The following NRXN3 variants were observed in gnomAD, a reference collection of about 807,000 sequenced individuals.
NRXN3 encodes neurexin 3, also known as neurexin III.
NRXN3 carries 32 observed loss-of-function variants against 137.6 expected under a neutral mutation model. The ratio of observed to expected loss-of-function variants is 0.23; its 90% confidence interval spans 0.18 to 0.31. The LOEUF (loss-of-function observed/expected upper bound fraction) is 0.31. NRXN3 is among the 10% of genes least tolerant of loss of function. The pLI is 1.00. For missense variants in NRXN3, 1,574 were observed against 2,062.5 expected (o/e 0.76, Z 4.59); for synonymous variants, 798 against 784.5 (o/e 1.02, Z -0.29).
chr14:79,395,489 T>G (rs944061635), intron 15 of NRXN3, among the ~76,000 whole-genome samples: 3 of 152,024 alleles, frequency 2.0e-5, no homozygotes, highest in Non-Finnish European at 4.4e-5. Context: ...GTTGCATATG[T>G]GGAGTGTGTG....
At chr14:79,752,797 GA>G (rs1213896783) in intron 19 of NRXN3, among the ~76,000 whole-genome samples, 1 of 151,740 alleles carries the variant, frequency 6.6e-6, no homozygotes, top group Non-Finnish European at 1.5e-5. Flanking sequence ...CAAAATGGGA[GA>G]AAATTTTCAC....
intron 1 of NRXN3, among the ~76,000 whole-genome samples, chr14:78,226,946 T>G (rs904218366): frequency 6.6e-6 from 1 of 152,202 alleles, no homozygotes; most frequent in African/African-American, 2.4e-5. Context: ...GGTGGGCCCA[T>G]TGTGTGCCAT....
At chr14:78,600,039 G>A (rs1030879593) in intron 4 of NRXN3, among the ~76,000 whole-genome samples, 4 of 152,158 alleles carry the variant, frequency 2.6e-5, no homozygotes, top group Non-Finnish European at 5.9e-5. Flanking sequence ...GTTCAGCCAC[G>A]TGTCCCTTAG....
At chr14:78,886,103 G>A (rs1296130067) in intron 10 of NRXN3, among the ~76,000 whole-genome samples, 1 of 152,076 alleles carries the variant, frequency 6.6e-6, no homozygotes, top group East Asian at 1.9e-4. Flanking sequence ...TAGTTGCAAG[G>A]GAAGCTGGGA....
At chr14:79,843,561 A>G (rs1340160953) in intron 20 of NRXN3, among the ~76,000 whole-genome samples, 2 of 152,184 alleles carry the variant, frequency 1.3e-5, no homozygotes, top group African/African-American at 4.8e-5. Flanking sequence ...TAGCATTTTA[A>G]TCAGAGTACA....
chr14:78,641,339 AT>A (rs529561946), intron 4 of NRXN3, among the ~76,000 whole-genome samples: 2 of 152,032 alleles, frequency 1.3e-5, no homozygotes, highest in Non-Finnish European at 2.9e-5. Flanking sequence ...CAAGGTCCTC[AT>A]TTTTTTCTCC....
chr14:79,819,357 G>A (rs147116345), intron 20 of NRXN3, among the ~76,000 whole-genome samples: 1 of 151,846 alleles, frequency 6.6e-6, no homozygotes, highest in Admixed American at 6.6e-5. Flanking sequence ...GGTTAAAAAT[G>A]TGTAGTCTTT....
chr14:78,805,895 A>G (rs2098863618), intron 9 of NRXN3, among the ~76,000 whole-genome samples: 1 of 152,108 alleles, frequency 6.6e-6, no homozygotes, highest in African/African-American at 2.4e-5. Flanking sequence ...GAAATAAGGA[A>G]ATAAGTGTAC....
intron 15 of NRXN3, among the ~76,000 whole-genome samples, chr14:79,369,902 C>T (rs761772328): frequency 3.9e-5 from 6 of 152,184 alleles, no homozygotes; most frequent in Non-Finnish European, 7.3e-5. Flanking sequence ...GACTCACAGT[C>T]AGCTCATGGG....
At chr14:78,869,363 C>T (rs2099095761) in intron 10 of NRXN3, among the ~76,000 whole-genome samples, 2 of 152,112 alleles carry the variant, frequency 1.3e-5, no homozygotes, top group South Asian at 4.2e-4. Flanking sequence ...AGGCATATCA[C>T]TCTCAAAACC....
At chr14:78,429,453 C>T (rs1237714336) in intron 4 of NRXN3, among the ~76,000 whole-genome samples, 1 of 152,146 alleles carries the variant, frequency 6.6e-6, no homozygotes, top group East Asian at 1.9e-4. Context: ...AGTGTGGATA[C>T]AAATCCTACT....
intron 9 of NRXN3, among the ~76,000 whole-genome samples, chr14:78,807,165 A>G (rs2098876689): frequency 1.3e-5 from 2 of 152,306 alleles, no homozygotes; most frequent in South Asian, 4.1e-4. Flanking sequence ...CATTTTCCTC[A>G]GTGCCCAGTT....
At chr14:78,445,848 G>A (rs1030565598) in intron 4 of NRXN3, among the ~76,000 whole-genome samples, 1 of 152,226 alleles carries the variant, frequency 6.6e-6, no homozygotes, top group African/African-American at 2.4e-5. Context: ...GCAGGTGAAA[G>A]TGAGTCAGTG....
chr14:79,005,914 A>G (rs2099551664), intron 15 of NRXN3, among the ~76,000 whole-genome samples: 1 of 152,172 alleles, frequency 6.6e-6, no homozygotes, highest in Non-Finnish European at 1.5e-5. Flanking sequence ...TCATCATTGT[A>G]GCACTGATCT....
At chr14:79,133,335 A>G (rs971141177) in intron 15 of NRXN3, among the ~76,000 whole-genome samples, 4 of 151,712 alleles carry the variant, frequency 2.6e-5, no homozygotes, top group South Asian at 2.1e-4. Flanking sequence ...TGGCCCCTCT[A>G]GAAGTTTATG....
chr14:78,224,815 G>A (rs1371745473), intron 1 of NRXN3, among the ~76,000 whole-genome samples: 13 of 127,780 alleles, frequency 1.0e-4, no homozygotes, highest in South Asian at 4.9e-4. Context: ...GCTGGACTGC[G>A]GACTGCAGTG....
rs548104829 is a variant in NRXN3, at chr14:79,086,607, C to G, written c.3262+98466C>G. Among the ~76,000 whole-genome samples, 13 of 152,272 alleles carry G rather than the reference C, an allele frequency of 8.5e-5. No individual in the cohort carries two copies. In the East Asian group the frequency reaches 2.1e-3, roughly 25 times the overall value. On this transcript the variant is annotated intron_variant, in intron 15 of 20. Coordinates refer to ENST00000335750, the MANE Select transcript of NRXN3 (RefSeq NM_001330195.2). ...GATCTGAGGGACATTGCAGAGTCAT[C>G]ACAGATTCTTGAGTTATGAGGTCAG...
chr14:78,207,038 G>A (rs10132164), intron 1 of NRXN3, among the ~76,000 whole-genome samples: 101,381 of 151,708 alleles, frequency 0.67, 34,068 homozygotes, highest in African/African-American at 0.72. Flanking sequence ...TAATTTTTGT[G>A]TTTTTAGTAG....
intron 15 of NRXN3, among the ~76,000 whole-genome samples, chr14:79,151,801 C>T (rs947109798): frequency 2.6e-5 from 4 of 151,998 alleles, no homozygotes; most frequent in Admixed American, 6.6e-5. Context: ...CAGACTAAAT[C>T]TAAATCCCTA....
Sources: gnomAD v4.1 joint callset for allele counts (sites outside exome capture counted in the v4.1 genomes callset) on GRCh38, gnomAD v4.1.1 for gene constraint, MANE v1.5 for transcripts, NCBI Gene and HGNC (gene_info 2026-07-23, HGNC 2026-07-21) for gene names.